The following NCOA1 variants were observed in gnomAD, a reference collection of about 807,000 sequenced individuals.
NCOA1 encodes Hin-2 protein.
In NCOA1, 35 loss-of-function variants were observed where a neutral mutation model predicts 150.9. That is an observed-to-expected ratio of 0.23 (90% CI 0.18 to 0.31). The LOEUF is 0.31. Among genes scored for constraint, NCOA1 ranks in the 10% least tolerant of loss-of-function variants. The pLI, the probability that NCOA1 is intolerant of heterozygous loss-of-function variation, is 1.00. For missense variants in NCOA1, 1,491 were observed against 1,749.3 expected, an observed-to-expected ratio of 0.85 and a Z score of 2.63; for synonymous variants, 590 against 630.0, an observed-to-expected ratio of 0.94 and a Z score of 0.95.
At chr2:24,525,281 G>T (rs771893748) in intron 1 of NCOA1, among the ~76,000 whole-genome samples, 1 of 152,024 alleles carries the variant, frequency 6.6e-6, no homozygotes, top group African/African-American at 2.4e-5. Context: ...GGGACTAGTG[G>T]TGGAGTTAAA....
intron 3 of NCOA1, among the ~76,000 whole-genome samples, chr2:24,608,067 T>C (rs1412295866): frequency 1.3e-5 from 2 of 152,054 alleles, no homozygotes; most frequent in Non-Finnish European, 1.5e-5. Flanking sequence ...AACTAACTCA[T>C]AGTTTTAGAG....
intron 22 of NCOA1, among the ~76,000 whole-genome samples, chr2:24,763,616 C>CTTTTTT (rs1179539444): frequency 4.9e-4 from 42 of 85,272 alleles, no homozygotes; most frequent in Non-Finnish European, 7.3e-4. Flanking sequence ...GTCTCTCTCT[C>CTTTTTT]TTTTTTTTTT....
chr2:24,727,008 CGCAGCT>C (rs1558318660), intron 15 of NCOA1, among the ~76,000 whole-genome samples: 2 of 151,284 alleles, frequency 1.3e-5, no homozygotes, highest in African/African-American at 4.9e-5. Context: ...CGTGGTGGTG[CGCAGCT>C]GTAATCCCAG....
At chr2:24,607,849 C>T (rs1296430252) in intron 3 of NCOA1, among the ~76,000 whole-genome samples, 3 of 152,112 alleles carry the variant, frequency 2.0e-5, no homozygotes, top group Non-Finnish European at 4.4e-5. Context: ...TTTGGTAAAA[C>T]TCAACTTTCT....
At chr2:24,601,851 G>C (rs1447509420) in intron 3 of NCOA1, among the ~76,000 whole-genome samples, 2 of 151,872 alleles carry the variant, frequency 1.3e-5, no homozygotes, top group Non-Finnish European at 2.9e-5. Flanking sequence ...GCCCAGGCTG[G>C]TCGTAAACTC....
chr2:24,580,479 C>G (rs1667152016), intron 2 of NCOA1, among the ~76,000 whole-genome samples: 1 of 152,150 alleles, frequency 6.6e-6, no homozygotes, highest in Non-Finnish European at 1.5e-5. Context: ...GTTGTTTAGA[C>G]TGGATAGTAT....
intron 3 of NCOA1, among the ~76,000 whole-genome samples, chr2:24,604,750 A>G (rs556368565): frequency 3.9e-5 from 6 of 152,144 alleles, no homozygotes; most frequent in East Asian, 1.9e-4. Flanking sequence ...CTGTTTTGCT[A>G]TCTTATCATT....
intron 1 of NCOA1, among the ~76,000 whole-genome samples, chr2:24,522,686 G>C (rs904682117): frequency 6.6e-6 from 1 of 152,030 alleles, no homozygotes; most frequent in East Asian, 1.9e-4. Context: ...GGATGATTTG[G>C]GACAGATATT....
chr2:24,646,730 G>T (rs1370668442), intron 4 of NCOA1, among the ~76,000 whole-genome samples: 2 of 147,706 alleles, frequency 1.4e-5, no homozygotes, highest in African/African-American at 2.5e-5. Flanking sequence ...TAATGAAAAG[G>T]TTATCTTAAA....
chr2:24,724,354 A>T (rs1674503785), intron 14 of NCOA1, among the ~76,000 whole-genome samples: 1 of 152,156 alleles, frequency 6.6e-6, no homozygotes, highest in Non-Finnish European at 1.5e-5. Context: ...CTCTGGACAA[A>T]GAGAGAGAGC....
intron 11 of NCOA1, among the ~76,000 whole-genome samples, chr2:24,699,413 A>C (rs1179098429): frequency 6.6e-6 from 1 of 152,200 alleles, no homozygotes; most frequent in East Asian, 1.9e-4. Context: ...AATTCCCCAT[A>C]CAATGAATTG....
At chr2:24,732,371 A>G (rs1226758786) in intron 17 of NCOA1, among the ~76,000 whole-genome samples, 1 of 152,210 alleles carries the variant, frequency 6.6e-6, no homozygotes, top group Non-Finnish European at 1.5e-5. Context: ...ATGTATGTCT[A>G]TACGCAAAAA....
intron 1 of NCOA1, among the ~76,000 whole-genome samples, chr2:24,547,423 C>A (rs1665646174): frequency 1.3e-5 from 2 of 152,110 alleles, no homozygotes; most frequent in African/African-American, 2.4e-5. Flanking sequence ...TTAGTAATTG[C>A]AGCTATATTA....
At chr2:24,638,794 A>G (rs1670055057) in intron 3 of NCOA1, among the ~76,000 whole-genome samples, 1 of 152,036 alleles carries the variant, frequency 6.6e-6, no homozygotes, top group African/African-American at 2.4e-5. Context: ...GGTCATTTGT[A>G]TGTCTTTTGA....
intron 13 of NCOA1, among the ~76,000 whole-genome samples, chr2:24,710,333 C>A (rs1448983830): frequency 2.0e-5 from 3 of 152,080 alleles, no homozygotes; most frequent in Non-Finnish European, 2.9e-5. Context: ...CTCAGGTGAT[C>A]CACCCGCCTC....
At chr2:24,595,170 A>G (rs779339423) in intron 3 of NCOA1, among the ~76,000 whole-genome samples, 1 of 152,088 alleles carries the variant, frequency 6.6e-6, no homozygotes, top group South Asian at 2.1e-4. Context: ...TTTCTATTTG[A>G]TAGTTGTAAA....
chr2:24,571,220 G>T (rs555272391), intron 2 of NCOA1, among the ~76,000 whole-genome samples: 2 of 151,842 alleles, frequency 1.3e-5, no homozygotes, highest in African/African-American at 2.4e-5. Context: ...GGGACAGTGC[G>T]TGAGGGGGTG....
intron 1 of NCOA1, among the ~76,000 whole-genome samples, chr2:24,500,186 G>T (rs539911714): frequency 6.6e-6 from 1 of 152,082 alleles, no homozygotes; most frequent in African/African-American, 2.4e-5. Flanking sequence ...TCGGCTCACT[G>T]CAACCTCCAC....
intron 1 of NCOA1, among the ~76,000 whole-genome samples, chr2:24,517,573 AG>A (rs902134681): frequency 6.6e-6 from 1 of 152,154 alleles, no homozygotes; most frequent in African/African-American, 2.4e-5. Flanking sequence ...TAATTTACCT[AG>A]CAAGCGTGTC....
Sources: gnomAD v4.1 joint callset for allele counts (sites outside exome capture counted in the v4.1 genomes callset) on GRCh38, gnomAD v4.1.1 for gene constraint, MANE v1.5 for transcripts, NCBI Gene and HGNC (gene_info 2026-07-23, HGNC 2026-07-21) for gene names.